The following ANO4 variants were observed in gnomAD, a reference collection of about 807,000 sequenced individuals.
The protein encoded by ANO4 is anoctamin 4.
Under a neutral mutation model 141.9 loss-of-function variants are expected in ANO4, and 69 were observed. The observed-to-expected ratio is 0.49, with a 90% confidence interval of 0.40 to 0.59. The LOEUF is 0.59. Ranked by LOEUF, ANO4 falls within the 20% of genes least tolerant of loss-of-function variation. The pLI is 0.00. For synonymous variants in ANO4, 350 were observed against 394.3 expected, an observed-to-expected ratio of 0.89 and a Z score of 1.33; for missense variants, 894 against 1,162.2, an observed-to-expected ratio of 0.77 and a Z score of 3.36.
intron 3 of ANO4, among the ~76,000 whole-genome samples, chr12:100,925,966 G>A (rs2041855502): frequency 6.6e-6 from 1 of 151,484 alleles, no homozygotes; most frequent in Admixed American, 6.6e-5. Flanking sequence ...TGGCCATGAT[G>A]GTGTTTTCCC....
chr12:101,077,673 A>G (rs2176091), intron 14 of ANO4, among the ~76,000 whole-genome samples: 4,878 of 152,220 alleles, frequency 0.032, 255 homozygotes, highest in African/African-American at 0.11. Context: ...GGGAATACAT[A>G]CTAATGTACT....
At chr12:100,988,300 A>G (rs1299900751) in intron 8 of ANO4, among the ~76,000 whole-genome samples, 2 of 152,156 alleles carry the variant, frequency 1.3e-5, no homozygotes, top group Non-Finnish European at 2.9e-5. Context: ...TTTACTCTGA[A>G]GCTTCTGAGA....
At chr12:100,879,175 C>T (rs1322256982) in intron 1 of ANO4, among the ~76,000 whole-genome samples, 1 of 152,150 alleles carries the variant, frequency 6.6e-6, no homozygotes. Context: ...AAATTGCTAG[C>T]ACTATTAAAG....
At chr12:100,981,944 T>G (rs2044482862) in intron 7 of ANO4, among the ~76,000 whole-genome samples, 1 of 152,102 alleles carries the variant, frequency 6.6e-6, no homozygotes, top group African/African-American at 2.4e-5. Context: ...AATAGAACCT[T>G]CCCAAGACCA....
At chr12:100,759,138 A>T (rs1198474750) in intron 3 of ANO4, among the ~76,000 whole-genome samples, 3 of 152,204 alleles carry the variant, frequency 2.0e-5, no homozygotes, top group Non-Finnish European at 4.4e-5. Flanking sequence ...TAGAGATGGT[A>T]GGTGTTTTAC....
chr12:100,913,750 A>G (rs1229994561), intron 2 of ANO4, among the ~76,000 whole-genome samples: 1 of 152,198 alleles, frequency 6.6e-6, no homozygotes. Context: ...GCCCTTAGCC[A>G]TGGTGGATAG....
At chr12:100,776,053 GCA>G (rs1392265379) in intron 3 of ANO4, among the ~76,000 whole-genome samples, 1 of 152,166 alleles carries the variant, frequency 6.6e-6, no homozygotes, top group Non-Finnish European at 1.5e-5. Context: ...TATATGCCAA[GCA>G]CTGTTCATTC....
At chr12:101,121,588 A>C (rs2051095054) in intron 26 of ANO4, among the ~76,000 whole-genome samples, 1 of 151,780 alleles carries the variant, frequency 6.6e-6, no homozygotes, top group African/African-American at 2.4e-5. Flanking sequence ...TTTTCTTTTG[A>C]GTATATACCC....
chr12:100,733,019 A>G (rs182593170), intron 1 of ANO4, among the ~76,000 whole-genome samples: 69 of 152,136 alleles, frequency 4.5e-4, no homozygotes, highest in African/African-American at 1.6e-3. Context: ...CACTCCTCCC[A>G]TGGTTTGACC....
chr12:101,128,630 T>G (rs757370056), downstream of ANO4: 1 of 152,638 alleles, frequency 6.6e-6, no homozygotes, highest in Non-Finnish European at 1.5e-5. Context: ...GCACATGGAA[T>G]ATTTTCAGCT....
intron 15 of ANO4, among the ~76,000 whole-genome samples, chr12:101,080,865 G>GATATATATATATATATT (rs2049218913): frequency 7.3e-5 from 8 of 109,374 alleles, no homozygotes; most frequent in Non-Finnish European, 1.3e-4. Context: ...CTAGGTTCTA[G>GATATATATATATATATT]ATATATATAT....
chr12:101,065,732 G>T (rs894423814), intron 14 of ANO4, among the ~76,000 whole-genome samples: 1 of 152,150 alleles, frequency 6.6e-6, no homozygotes, highest in African/African-American at 2.4e-5. Flanking sequence ...AAAAATGGAA[G>T]AGGAGGGAAT....
intron 23 of ANO4, 48 bp from the exon 24 acceptor site, chr12:101,111,515 C>T: frequency 7.0e-7 from 1 of 1,421,902 alleles, no homozygotes; most frequent in Non-Finnish European, 9.3e-7. Context: ...TCATAATTAT[C>T]ACCTCTGTTT....
intron 14 of ANO4, among the ~76,000 whole-genome samples, chr12:101,064,649 A>G (rs1265810501): frequency 1.6e-5 from 2 of 128,562 alleles, no homozygotes; most frequent in Non-Finnish European, 3.2e-5. Context: ...CATGTATCCC[A>G]GAACTTAAAG....
chr12:100,722,452 G>T (rs538794647), intron 1 of ANO4, among the ~76,000 whole-genome samples: 1 of 152,234 alleles, frequency 6.6e-6, no homozygotes, highest in Non-Finnish European at 1.5e-5. Context: ...CCACCCTCTG[G>T]GCGGGAGGTT....
chr12:100,982,420 G>A (rs1372167778), intron 7 of ANO4, among the ~76,000 whole-genome samples: 3 of 152,174 alleles, frequency 2.0e-5, no homozygotes, highest in Non-Finnish European at 4.4e-5. Context: ...ACATATCTAA[G>A]TAAATTTCAG....
At chr12:100,940,878 C>G (rs1430409651) in intron 4 of ANO4, among the ~76,000 whole-genome samples, 1 of 152,070 alleles carries the variant, frequency 6.6e-6, no homozygotes, top group Admixed American at 6.5e-5. Context: ...GCCCGAAGAG[C>G]CTGGATGAAA....
chr12:100,962,611 T>C (rs1228697947), intron 5 of ANO4, among the ~76,000 whole-genome samples: 1 of 152,202 alleles, frequency 6.6e-6, no homozygotes, highest in African/African-American at 2.4e-5. Context: ...CGCATAGTTA[T>C]TGGCAGAATT....
chr12:100,722,598 G>A (rs1040495915), intron 1 of ANO4, among the ~76,000 whole-genome samples: 1 of 152,136 alleles, frequency 6.6e-6, no homozygotes, highest in Non-Finnish European at 1.5e-5. Flanking sequence ...CTTAGGGTAA[G>A]CCCTTTCCAT....
Sources: gnomAD v4.1 joint callset for allele counts (sites outside exome capture counted in the v4.1 genomes callset) on GRCh38, gnomAD v4.1.1 for gene constraint, MANE v1.5 for transcripts, NCBI Gene and HGNC (gene_info 2026-07-23, HGNC 2026-07-21) for gene names.